The following AFF3 variants were observed in gnomAD, a reference collection of about 807,000 sequenced individuals.
AFF3 encodes the protein AF4/FMR2 family member 3.
In AFF3, 32 loss-of-function variants were observed where a neutral mutation model predicts 129.7. The ratio of observed to expected loss-of-function variants is 0.25; its 90% CI spans 0.19 to 0.33. The LOEUF is 0.33. AFF3 is among the 10% of genes least tolerant of loss of function. The pLI is 1.00. For missense variants in AFF3, 1,373 were observed against 1,592.0 expected, an observed-to-expected ratio of 0.86 and a Z score of 2.34; for synonymous variants, 644 against 635.4, an observed-to-expected ratio of 1.01 and a Z score of -0.20.
At chr2:99,773,223 C>T (rs959200795) in intron 8 of AFF3, among the ~76,000 whole-genome samples, 1 of 152,226 alleles carries the variant, frequency 6.6e-6, no homozygotes, top group Non-Finnish European at 1.5e-5. Flanking sequence ...GAGACCACAG[C>T]TAAGTTTCTG....
At position 99,636,933 on chromosome 2, in the gene AFF3, T is replaced by C. The variant is rs543161607; in HGVS notation, c.1184+12693A>G. Among the ~76,000 whole-genome samples, 10 of 152,228 alleles carry C rather than the reference T, an allele frequency of 6.6e-5. No homozygotes were observed. The South Asian group carries it at 2.1e-3, about 32-fold the overall frequency. ...GGGAGCAGGTCACGGGGCGGCAGCC[T>C]GTGAGCGGAGGTGAGGGCAGGCCCT... On this transcript the variant is annotated intron_variant, in intron 13 of 24. Transcript: ENST00000672756.
intron 7 of AFF3, among the ~76,000 whole-genome samples, chr2:99,866,070 C>T (rs17023254): frequency 0.048 from 7,250 of 152,258 alleles, 216 homozygotes; most frequent in African/African-American, 0.081. Context: ...ACAATTCACA[C>T]ATGGTTGCTG....
intron 4 of AFF3, among the ~76,000 whole-genome samples, chr2:100,068,576 TG>T (rs1687915103): frequency 6.6e-6 from 1 of 152,196 alleles, no homozygotes; most frequent in Non-Finnish European, 1.5e-5. Flanking sequence ...TGACTTATTC[TG>T]GATAGCTCCA....
chr2:99,722,049 A>G (rs1201145857), intron 11 of AFF3, among the ~76,000 whole-genome samples: 1 of 152,018 alleles, frequency 6.6e-6, no homozygotes, highest in Non-Finnish European at 1.5e-5. Flanking sequence ...TCTATGCTTC[A>G]TTTATTTCAA....
At chr2:99,603,055 C>T (rs1175250289) in intron 13 of AFF3, among the ~76,000 whole-genome samples, 4 of 152,176 alleles carry the variant, frequency 2.6e-5, no homozygotes, top group Non-Finnish European at 5.9e-5. Context: ...GATTGTCTGA[C>T]AAAATTCTTC....
intron 7 of AFF3, among the ~76,000 whole-genome samples, chr2:100,005,868 C>T (rs1482087570): frequency 1.3e-5 from 2 of 152,130 alleles, no homozygotes; most frequent in Non-Finnish European, 2.9e-5. Context: ...AATATTCTGG[C>T]CACACTGTTA....
At chr2:99,965,628 G>A (rs913398116) in intron 7 of AFF3, among the ~76,000 whole-genome samples, 3 of 152,140 alleles carry the variant, frequency 2.0e-5, no homozygotes, top group Non-Finnish European at 4.4e-5. Context: ...CTGTTTAAAT[G>A]AATAAATTGA....
chr2:100,128,906 C>A (rs965862610), intron 2 of AFF3, among the ~76,000 whole-genome samples: 2 of 152,068 alleles, frequency 1.3e-5, no homozygotes. Context: ...ATTTGTATAT[C>A]CTTCCTGTGG....
At chr2:99,777,524 AG>A (rs1683997694) in intron 8 of AFF3, among the ~76,000 whole-genome samples, 1 of 152,172 alleles carries the variant, frequency 6.6e-6, no homozygotes, top group Admixed American at 6.5e-5. Flanking sequence ...CTTTTCTCAA[AG>A]GAGTACACCG....
chr2:100,066,895 C>T (rs1687766908), intron 4 of AFF3, among the ~76,000 whole-genome samples: 1 of 152,188 alleles, frequency 6.6e-6, no homozygotes, highest in Admixed American at 6.5e-5. Context: ...GCAAGGAAAA[C>T]TAGAGGAGAA....
intron 12 of AFF3, 115 bp downstream of exon 12, chr2:99,672,423 A>G: frequency 4.3e-6 from 4 of 939,942 alleles, no homozygotes; most frequent in Non-Finnish European, 5.0e-6. Context: ...TTAGCAGACA[A>G]AAGACCAGCA....
chr2:99,800,994 C>T (rs1253970590), intron 8 of AFF3, among the ~76,000 whole-genome samples: 1 of 152,098 alleles, frequency 6.6e-6, no homozygotes, highest in Non-Finnish European at 1.5e-5. Context: ...ATGATGGATA[C>T]ATTCATTATC....
chr2:99,690,366 A>T (rs938173126), intron 11 of AFF3, among the ~76,000 whole-genome samples: 1 of 151,028 alleles, frequency 6.6e-6, no homozygotes, highest in African/African-American at 2.4e-5. Flanking sequence ...TATTTTTAGT[A>T]GAGATGGGGT....
chr2:100,113,227 A>G (rs1691588202), intron 2 of AFF3, among the ~76,000 whole-genome samples: 1 of 152,226 alleles, frequency 6.6e-6, no homozygotes, highest in Admixed American at 6.5e-5. Flanking sequence ...TTGAACACCT[A>G]TTACATGCCA....
chr2:100,019,846 C>T (rs1039378448), intron 4 of AFF3, among the ~76,000 whole-genome samples: 1 of 152,238 alleles, frequency 6.6e-6, no homozygotes, highest in East Asian at 1.9e-4. Context: ...CCTTTCTCCT[C>T]CCCAGGCTAA....
At chr2:100,074,862 G>C (rs1688468492) in intron 4 of AFF3, among the ~76,000 whole-genome samples, 1 of 152,164 alleles carries the variant, frequency 6.6e-6, no homozygotes. Context: ...AGGGATGTTG[G>C]AAACAGTCAC....
At chr2:99,994,125 A>C (rs1680622052) in intron 7 of AFF3, among the ~76,000 whole-genome samples, 1 of 151,990 alleles carries the variant, frequency 6.6e-6, no homozygotes, top group South Asian at 2.1e-4. Flanking sequence ...CTTTTTTAAA[A>C]AAAAATTCCC....
chr2:99,803,077 T>G (rs1686078361), intron 8 of AFF3, among the ~76,000 whole-genome samples: 1 of 152,186 alleles, frequency 6.6e-6, no homozygotes, highest in Non-Finnish European at 1.5e-5. Flanking sequence ...CCATTCAGTA[T>G]GTGTGGGTTT....
chr2:99,603,722 A>C (rs1170850352), intron 13 of AFF3, among the ~76,000 whole-genome samples: 2 of 152,254 alleles, frequency 1.3e-5, no homozygotes, highest in Non-Finnish European at 2.9e-5. Flanking sequence ...AAATTTTTGC[A>C]AACTATGCAT....
Sources: allele counts gnomAD v4.1 joint callset (sites outside exome capture counted in the v4.1 genomes callset), GRCh38; gene constraint gnomAD v4.1.1; transcripts MANE v1.5; gene names NCBI Gene and HGNC (gene_info 2026-07-23, HGNC 2026-07-21).